The following CHST9 variants were observed in gnomAD, a reference collection of about 807,000 sequenced individuals.
CHST9 encodes the protein carbohydrate sulfotransferase 9.
A neutral mutation model predicts 44.4 loss-of-function variants in CHST9; 41 were observed. That is an observed-to-expected ratio of 0.92 (90% CI 0.72 to 1.20). The LOEUF is 1.20. Among genes scored for constraint, CHST9 ranks in the 50% most tolerant of loss-of-function variants. The probability of loss-of-function intolerance (pLI) is 0.00; values close to 1 mark genes in which losing one functional copy is unlikely to be tolerated. For missense variants in CHST9, 504 were observed against 516.5 expected (o/e 0.98, Z 0.23); for synonymous variants, 171 against 178.4 (o/e 0.96, Z 0.33).
At chr18:27,013,492 T>G (rs771218710) in intron 4 of CHST9, among the ~76,000 whole-genome samples, 3 of 152,240 alleles carry the variant, frequency 2.0e-5, no homozygotes, top group African/African-American at 4.8e-5. Context: ...GAGGCCCTGA[T>G]CCATGACATG....
chr18:27,144,367 T>C (rs573833711), intron 1 of CHST9, among the ~76,000 whole-genome samples: 1 of 152,154 alleles, frequency 6.6e-6, no homozygotes, highest in African/African-American at 2.4e-5. Flanking sequence ...AAGGATAATA[T>C]TTAGGTATTC....
At chr18:26,964,906 A>G (rs183968304) in intron 4 of CHST9, among the ~76,000 whole-genome samples, 1 of 152,286 alleles carries the variant, frequency 6.6e-6, no homozygotes, top group East Asian at 1.9e-4. Flanking sequence ...ATGCACAGGG[A>G]AAGGAGCGAA....
chr18:27,000,622 G>GTCTATCTATCTATCTATCTA (rs6146241), intron 4 of CHST9, among the ~76,000 whole-genome samples: 4 of 147,608 alleles, frequency 2.7e-5, no homozygotes, highest in Admixed American at 6.7e-5. Context: ...TATTTGTTTT[G>GTCTATCTATCTATCTATCTA]TCTATCTATC....
intron 4 of CHST9, among the ~76,000 whole-genome samples, chr18:26,954,118 G>C (rs2056289427): frequency 6.6e-6 from 1 of 152,120 alleles, no homozygotes. Flanking sequence ...TGAGAATCTG[G>C]GAAAGAGGGC....
At position 26,987,069 on chromosome 18, in the gene CHST9, G is replaced by A. The variant is rs997910244; in HGVS notation, c.202+37047C>T. ...AAATTCATATTGACATTTGATCCCCGATGGGGCAGTGTTGGGAGATGGGGC... is the reference window on the plus strand; with the variant it reads ...AAATTCATATTGACATTTGATCCCCAATGGGGCAGTGTTGGGAGATGGGGC... On this transcript the variant is annotated intron_variant, in intron 4 of 5. Coordinates refer to ENST00000618847, the MANE Select transcript of CHST9 (RefSeq NM_031422.6). Among the ~76,000 whole-genome samples, 7 of 152,232 alleles carry A rather than the reference G, an allele frequency of 4.6e-5. No individual in the cohort carries two copies. The South Asian group carries it at 8.3e-4, about 18-fold the overall frequency.
chr18:27,149,340 A>G (rs1344659679), intron 1 of CHST9, among the ~76,000 whole-genome samples: 1 of 152,122 alleles, frequency 6.6e-6, no homozygotes, highest in Non-Finnish European at 1.5e-5. Flanking sequence ...AATGGCCTCT[A>G]GCTCCATCCA....
At chr18:26,943,748 G>GTTCT (rs1488665830) in intron 5 of CHST9, among the ~76,000 whole-genome samples, 4 of 152,168 alleles carry the variant, frequency 2.6e-5, no homozygotes, top group African/African-American at 9.7e-5. Context: ...TCCTAAAACA[G>GTTCT]TTCTATAGAA....
chr18:27,093,304 C>T (rs1365464030), intron 2 of CHST9, among the ~76,000 whole-genome samples: 2 of 152,216 alleles, frequency 1.3e-5, no homozygotes, highest in African/African-American at 4.8e-5. Flanking sequence ...ACATTTAAGT[C>T]TGCAGAAGTT....
At chr18:27,068,511 CTCTT>C (rs1368137076) in intron 2 of CHST9, among the ~76,000 whole-genome samples, 1 of 152,110 alleles carries the variant, frequency 6.6e-6, no homozygotes, top group African/African-American at 2.4e-5. Context: ...ATGGCGATAA[CTCTT>C]TGTGTACGTT....
chr18:26,915,947 C>A lies in CHST9; in HGVS notation c.*312G>T, dbSNP rs1434230200. 4.7e-6 allele frequency: 1 copy of A among 214,410 alleles called. No homozygotes were observed. Among genetic ancestry groups the A allele is most frequent in the Non-Finnish European group, 9.4e-6 (1 of 106,686 alleles). 13.3% of individuals were successfully genotyped at this position (214,410 alleles called of 1,614,324 possible). A position where few individuals can be genotyped will look rare whatever the true frequency, so the allele number is the denominator to read the frequency against. On this transcript the variant is annotated 3_prime_UTR_variant, in exon 6 of 6. Transcript: ENST00000618847. ...CTCATGCTATTTGAGATCCTTTTTT[C>A]CTACCATTGCAAGAGGCTGCTTTAG...
chr18:27,116,851 T>C (rs1321692986), intron 2 of CHST9, among the ~76,000 whole-genome samples: 2 of 152,190 alleles, frequency 1.3e-5, no homozygotes, highest in African/African-American at 2.4e-5. Flanking sequence ...TTATTCTTTG[T>C]AATGCTACTA....
chr18:26,952,494 C>G, intron 4 of CHST9: 1 of 455,680 alleles, frequency 2.2e-6, no homozygotes, highest in Non-Finnish European at 4.3e-6. Flanking sequence ...TTGGTATAAA[C>G]CCTGGAGGAC....
intron 4 of CHST9, among the ~76,000 whole-genome samples, chr18:26,965,851 G>A (rs1387465103): frequency 6.6e-6 from 1 of 152,050 alleles, no homozygotes; most frequent in Non-Finnish European, 1.5e-5. Context: ...GAGGGACTCA[G>A]GAAGAAAACA....
chr18:27,180,297 C>T lies in CHST9; in HGVS notation c.-97+4839G>A, dbSNP rs77504209. Among the ~76,000 whole-genome samples the T allele has an allele frequency of 2.4e-3, 367 of 152,136 alleles. 1 individual carries two copies. Among genetic ancestry groups the T allele is most frequent in the African/African-American group, 8.4e-3 (350 of 41,514 alleles). ...TGTGTCTAGTGAAGTTATCCCTGAG[C>T]GTTAGTAGTGAAATACACATTACTT... On this transcript the variant is annotated intron_variant, in intron 1 of 5. Coordinates refer to ENST00000618847, the MANE Select transcript of CHST9 (RefSeq NM_031422.6).
Position 27,101,739 on chromosome 18 carries a change from T to C in CHST9, c.121+40950A>G, listed in dbSNP as rs2058174730. On this transcript the variant is annotated intron_variant, in intron 2 of 5. Coordinates refer to ENST00000618847, the MANE Select transcript of CHST9 (RefSeq NM_031422.6). ...CACTATCACTGCAAATACTTTAACT[T>C]ACCTTTCTGAGAAACTGTATATCCT... Among the ~76,000 whole-genome samples the C allele has an allele frequency of 2.0e-5, 3 of 152,222 alleles. No homozygotes were observed. In the South Asian group the frequency reaches 6.2e-4, roughly 32 times the overall value.
At chr18:27,060,704 A>G (rs1169947025) in intron 2 of CHST9, among the ~76,000 whole-genome samples, 1 of 152,234 alleles carries the variant, frequency 6.6e-6, no homozygotes, top group Non-Finnish European at 1.5e-5. Context: ...CCCTCTTCTC[A>G]CATGACATGC....
intron 4 of CHST9, among the ~76,000 whole-genome samples, chr18:27,005,706 C>T (rs1382846790): frequency 6.6e-6 from 1 of 152,072 alleles, no homozygotes; most frequent in Non-Finnish European, 1.5e-5. Flanking sequence ...CAATTGGTTT[C>T]CATGGGGGAA....
At chr18:27,172,816 T>C (rs2058842950) in intron 1 of CHST9, among the ~76,000 whole-genome samples, 1 of 152,026 alleles carries the variant, frequency 6.6e-6, no homozygotes, top group Admixed American at 6.6e-5. Context: ...CATATTCTTA[T>C]CTTTGGTTTA....
rs2055412648 is a variant in CHST9 at position 26,909,566 on chromosome 18, C to T, written c.*6693G>A. On this transcript the variant is annotated 3_prime_UTR_variant, in exon 6 of 6. Transcript: ENST00000618847. ...TTGTTCTTTTAAGTTGGTAGACACT[C>T]TAGCATTCTGAGTGCATTTTTATTT... 6.6e-6 allele frequency: 1 copy of T among 152,136 alleles called. No homozygotes were observed. The highest frequency in any genetic ancestry group is 2.4e-5 in the African/African-American group (1 of 41,406). 9.4% of individuals were successfully genotyped at this position (152,136 alleles called of 1,614,324 possible).
Sources: allele counts gnomAD v4.1 joint callset (sites outside exome capture counted in the v4.1 genomes callset), GRCh38; gene constraint gnomAD v4.1.1; transcripts MANE v1.5; gene names NCBI Gene and HGNC (gene_info 2026-07-23, HGNC 2026-07-21).